Variants in PRRC2B observed in about 807,000 individuals in gnomAD.
PRRC2B encodes the protein protein PRRC2B.
Under a neutral mutation model 242.3 loss-of-function variants are expected in PRRC2B, and 68 were observed. The observed-to-expected ratio is 0.28, with a 90% CI of 0.23 to 0.34. PRRC2B has a LOEUF of 0.34. PRRC2B is among the 10% of genes least tolerant of loss of function. The pLI, the probability that PRRC2B is intolerant of heterozygous loss-of-function variation, is 1.00. For synonymous variants in PRRC2B, 1,228 were observed against 1,173.6 expected, an observed-to-expected ratio of 1.05 and a Z score of -0.95; for missense variants, 2,835 against 2,954.8, an observed-to-expected ratio of 0.96 and a Z score of 0.94.
chr9:131,488,623 C>T (rs2131476158), intron 28 of PRRC2B, among the ~76,000 whole-genome samples: 1 of 152,284 alleles, frequency 6.6e-6, no homozygotes, highest in African/African-American at 2.4e-5. Context: ...GCTCCTGCAG[C>T]CCCCAGACGG....
At chr9:131,427,487 C>A (rs745955755) in intron 1 of PRRC2B, among the ~76,000 whole-genome samples, 1 of 151,974 alleles carries the variant, frequency 6.6e-6, no homozygotes, top group Non-Finnish European at 1.5e-5. Context: ...CCCACCACCA[C>A]GCCTGGCTAA....
At chr9:131,451,291 T>C (rs1307177127) in intron 9 of PRRC2B, among the ~76,000 whole-genome samples, 2 of 151,962 alleles carry the variant, frequency 1.3e-5, no homozygotes, top group African/African-American at 4.8e-5. Flanking sequence ...CCCAGCTACT[T>C]GGGAGGCGGA....
intron 4 of PRRC2B, among the ~76,000 whole-genome samples, chr9:131,437,547 C>G (rs1838414601): frequency 6.6e-6 from 1 of 152,158 alleles, no homozygotes; most frequent in South Asian, 2.1e-4. Flanking sequence ...TCATATTCAC[C>G]AGCTCTCTTG....
rs775258460 is a variant in PRRC2B, at chr9:131,484,753, C to T, written c.5528C>T (p.Ser1843Phe). ...CACATCCAGAGGGCCATCGGTCTCT[C>T]CCCAATGTCCTTCCCCACCGCCGAC... ...DHHIQRAIGL[S>F]PMSFPTADLT... The change falls in exon 24 of 32, where the codon TCC becomes TTC. Residue 1843 changes from serine (S) to phenylalanine (F), a missense_variant. Physicochemically the swap from Ser to Phe is radical, Grantham distance 155. Coordinates refer to ENST00000683519, the MANE Select transcript of PRRC2B (RefSeq NM_013318.4). 9 of 1,612,760 alleles carry T rather than the reference C, an allele frequency of 5.6e-6. No homozygotes were observed. The highest frequency in any genetic ancestry group is 6.8e-6 in the Non-Finnish European group (8 of 1,179,242).
Position 131,476,231 on chromosome 9 carries a change from G to C in PRRC2B, c.4102G>C (p.Asp1368His). The change falls in exon 16 of 32, where the codon GAT (aspartate) becomes CAT (histidine). Residue 1368 changes from aspartate to histidine, a missense_variant. Coordinates refer to ENST00000683519, the MANE Select transcript of PRRC2B (RefSeq NM_013318.4). ...SPELSYQNSS[D>H]HANEEWETAS... ...TGAGCTCTCCTACCAGAACTCCTCC[G>C]ATCACGCCAATGAGGAGTGGGAGAC... The C allele has an allele frequency of 6.2e-7, 1 of 1,613,034 alleles. No homozygotes were observed. The highest frequency in any genetic ancestry group is 8.5e-7 in the Non-Finnish European group (1 of 1,179,568).
chr9:131,465,865 C>T (rs1164555507), intron 12 of PRRC2B, among the ~76,000 whole-genome samples: 1 of 152,196 alleles, frequency 6.6e-6, no homozygotes, highest in African/African-American at 2.4e-5. Flanking sequence ...GCTGGGATTA[C>T]AGGCGTGTGC....
In PRRC2B at chr9:131,375,788, G is replaced by A. The variant is rs188616015; in HGVS notation, c.-56+2057G>A. Among the ~76,000 whole-genome samples the A allele has an allele frequency of 1.8e-3, 281 of 152,222 alleles. 3 individuals carry two copies. The highest frequency in any genetic ancestry group is 3.2e-3 in the Admixed American group (49 of 15,274). On this transcript the variant is annotated intron_variant, in intron 1 of 1. Transcript: ENST00000682525. ...TCAGGTCTGTAATCCCAGCACTTAG[G>A]GCAGCCTAGGTGGGCGGATCACCTG...
intron 1 of PRRC2B, among the ~76,000 whole-genome samples, chr9:131,425,241 C>G (rs1024955535): frequency 6.6e-6 from 1 of 152,200 alleles, no homozygotes; most frequent in African/African-American, 2.4e-5. Flanking sequence ...TCGCCTCGGC[C>G]TCCCAAAGTG....
intron 12 of PRRC2B, among the ~76,000 whole-genome samples, chr9:131,466,838 G>A (rs148298059): frequency 1.9e-3 from 292 of 149,902 alleles, no homozygotes; most frequent in African/African-American, 7.0e-3. Flanking sequence ...TTCTCACTCT[G>A]TCGCCCAGGC....
Position 131,412,654 on chromosome 9 carries a change from C to T in PRRC2B, c.-51-17440C>T, listed in dbSNP as rs78652458. 4.5e-4 allele frequency among the ~76,000 whole-genome samples: 68 copies of T among 152,326 alleles called. No individual in the cohort carries two copies. In the East Asian group the frequency reaches 5.8e-3, roughly 13 times the overall value. On this transcript the variant is annotated intron_variant, in intron 1 of 31. Coordinates refer to ENST00000683519, the MANE Select transcript of PRRC2B (RefSeq NM_013318.4). The stretch of plus-strand genomic sequence containing the variant: ...AGATGTTGCTTCTTTGCAAATTAAC[C>T]GCTGGATTCCCTGTAATTCTAGTGA...
chr9:131,484,776 G>A lies in PRRC2B; in HGVS notation c.5551G>A (p.Asp1851Asn), dbSNP rs944351464. 5 of 1,609,890 alleles carry A rather than the reference G, an allele frequency of 3.1e-6. No homozygotes were observed. The highest frequency in any genetic ancestry group is 4.2e-6 in the Non-Finnish European group (5 of 1,177,824). Residue 1851 changes from aspartate to asparagine, a missense_variant, in exon 24 of 32, where the codon GAC (aspartate) becomes AAC (asparagine). Coordinates refer to ENST00000683519, the MANE Select transcript of PRRC2B (RefSeq NM_013318.4). ...GLSPMSFPTA[D>N]LTLKMESARK... ...CTCCCCAATGTCCTTCCCCACCGCC[G>A]ACCTTACTCTGAAGGTAACACCAGC...
intron 1 of PRRC2B, among the ~76,000 whole-genome samples, chr9:131,412,890 C>T (rs895417484): frequency 6.7e-6 from 1 of 149,178 alleles, no homozygotes; most frequent in Non-Finnish European, 1.5e-5. Flanking sequence ...AACTCCTGGG[C>T]TCAGGAGATC....
At chr9:131,393,338 T>C (rs553112880), upstream of PRRC2B, among the ~76,000 whole-genome samples, 1 of 152,238 alleles carries the variant, frequency 6.6e-6, no homozygotes, top group South Asian at 2.1e-4. Context: ...AAATTGCTTT[T>C]ATAGTTGGTT....
In PRRC2B at chr9:131,447,696, C is replaced by A; in HGVS notation, c.1012C>A (p.Arg338Ser). 1.9e-6 allele frequency: 3 copies of A among 1,611,560 alleles called. No individual in the cohort carries two copies. In the South Asian group the frequency reaches 3.3e-5, roughly 18 times the overall value. ...CAGGCTGGGATTGTCTCGCCCACTC[C>A]GCCCACTAAGGCAGCTGGTGGAGCG... ...ENRLGLSRPL[R>S]PLRQLVERAP... The change falls in exon 9 of 32, where the codon CGC becomes AGC. Residue 338 changes from arginine to serine, a missense_variant. Physicochemically the swap from Arg to Ser is moderately radical, Grantham distance 110 (BLOSUM62 -1). Coordinates refer to ENST00000683519, the MANE Select transcript of PRRC2B (RefSeq NM_013318.4).
rs201970738 is a variant in PRRC2B, at chr9:131,474,477, C to T, written c.2348C>T (p.Ser783Leu). ...AGGAATGAAAGCTCTTTCTCTGCCT[C>T]ACTCGGAAGGGCAGGGGGCGTAAGT... ...RVRNESSFSA[S>L]LGRAGGVSAQ... Residue 783 changes from serine to leucine, a missense_variant, in exon 16 of 32, where the codon TCA becomes TTA. Ser to Leu is a moderately radical substitution (Grantham distance 145). Around this residue, in one of 7 missense-constraint regions of PRRC2B, gnomAD observed 1,536 missense variants for 1,483.1 expected, o/e 1.04. Coordinates refer to ENST00000683519, the MANE Select transcript of PRRC2B (RefSeq NM_013318.4). 48 of 1,609,768 alleles carry T rather than the reference C, an allele frequency of 3.0e-5. No individual in the cohort carries two copies. The East Asian group carries it at 1.0e-3, about 34-fold the overall frequency.
At chr9:131,427,980 G>A (rs1838019419) in intron 1 of PRRC2B, among the ~76,000 whole-genome samples, 1 of 151,838 alleles carries the variant, frequency 6.6e-6, no homozygotes, top group Non-Finnish European at 1.5e-5. Flanking sequence ...GGAGTGCAAT[G>A]GCACAATCTC....
rs374825680 is a variant in PRRC2B, at chr9:131,492,598, G to T, written c.6473+338G>T. Among the ~76,000 whole-genome samples the T allele has an allele frequency of 3.9e-5, 6 of 152,348 alleles. No homozygotes were observed. In the East Asian group the frequency reaches 1.2e-3, roughly 29 times the overall value. Reference sequence around the variant, plus strand: ...TTAGATCCTAAAAACAGGACCCACTGGCCACAGGGCTGCATCCTGGCAAGG... The same window carrying T: ...TTAGATCCTAAAAACAGGACCCACTTGCCACAGGGCTGCATCCTGGCAAGG... On this transcript the variant is annotated intron_variant, in intron 30 of 31. Coordinates refer to ENST00000683519, the MANE Select transcript of PRRC2B (RefSeq NM_013318.4).
intron 25 of PRRC2B, among the ~76,000 whole-genome samples, chr9:131,485,489 T>G (rs1466393095): frequency 6.6e-6 from 1 of 152,192 alleles, no homozygotes; most frequent in Admixed American, 6.5e-5. Flanking sequence ...TCTCCTCTCT[T>G]ACATGAAACT....
Position 131,475,331 on chromosome 9 carries a change from G to A in PRRC2B, c.3202G>A (p.Gly1068Ser). The A allele has an allele frequency of 6.3e-7, 1 of 1,593,778 alleles. No homozygotes were observed. The highest frequency in any genetic ancestry group is 8.5e-7 in the Non-Finnish European group (1 of 1,170,832). ...GGTCAGAGGACAGGCCCGGGGCCGG[G>A]GCCGTGGTTTCAGAGAGTTCACTTT... The part of the protein sequence containing the change: ...FGVRGQARGR[G>S]RGFREFTFRG... Residue 1068 changes from glycine (G) to serine (S), a missense_variant, in exon 16 of 32, where the codon GGC becomes AGC. This residue lies in a region of PRRC2B where 1,536 missense variants were observed against 1,483.1 expected (regional missense o/e 1.04). Transcript: ENST00000683519.
Sources: allele counts gnomAD v4.1 joint callset (sites outside exome capture counted in the v4.1 genomes callset), GRCh38; gene constraint gnomAD v4.1.1; regional missense constraint gnomAD v4.1.1; transcripts MANE v1.5; gene names NCBI Gene and HGNC (gene_info 2026-07-23, HGNC 2026-07-21).